PTPRD: variants seen among roughly 807,000 people sequenced by gnomAD.
The protein encoded by PTPRD is protein tyrosine phosphatase receptor type D.
Under a neutral mutation model 214.5 loss-of-function variants are expected in PTPRD, and 34 were observed. That is an observed-to-expected ratio of 0.16 (90% CI 0.12 to 0.21). PTPRD has a LOEUF of 0.21. PTPRD is among the 10% of genes least tolerant of loss of function. The pLI is 1.00. For synonymous variants in PTPRD, 1,128 were observed against 845.7 expected (o/e 1.33, Z -5.79); for missense variants, 2,545 against 2,398.7 (o/e 1.06, Z -1.27).
chr9:8,363,399 C>T (rs1030160531), intron 39 of PTPRD, among the ~76,000 whole-genome samples: 1 of 152,170 alleles, frequency 6.6e-6, no homozygotes, highest in African/African-American at 2.4e-5. Flanking sequence ...CAATTCACAA[C>T]TCTTCTATAC....
intron 9 of PTPRD, among the ~76,000 whole-genome samples, chr9:9,218,797 C>T (rs752567680): frequency 2.6e-5 from 4 of 152,030 alleles, no homozygotes; most frequent in East Asian, 1.9e-4. Context: ...CATGAATGCC[C>T]GGCCCTCACA....
intron 11 of PTPRD, among the ~76,000 whole-genome samples, chr9:8,776,208 A>G (rs2095466984): frequency 6.6e-6 from 1 of 152,180 alleles, no homozygotes; most frequent in African/African-American, 2.4e-5. Context: ...GTGAGATTGG[A>G]CCCTGCACAA....
chr9:9,717,371 T>C (rs973009480), intron 7 of PTPRD, among the ~76,000 whole-genome samples: 6 of 152,218 alleles, frequency 3.9e-5, no homozygotes, highest in Admixed American at 3.9e-4. Context: ...AAAGTAGTTT[T>C]TTCCAATTCT....
chr9:9,560,980 ACT>A (rs776121599), intron 8 of PTPRD, among the ~76,000 whole-genome samples: 16 of 150,816 alleles, frequency 1.1e-4, no homozygotes, highest in East Asian at 1.9e-4. Context: ...GGTAGCCTTC[ACT>A]CTCTCTCTTT....
intron 8 of PTPRD, among the ~76,000 whole-genome samples, chr9:9,423,397 C>G (rs2079580957): frequency 6.6e-6 from 1 of 152,194 alleles, no homozygotes; most frequent in Non-Finnish European, 1.5e-5. Context: ...CACCAGGAAA[C>G]TGAATCAGCC....
chr9:8,790,086 C>G (rs765291867), intron 11 of PTPRD, among the ~76,000 whole-genome samples: 4 of 152,092 alleles, frequency 2.6e-5, no homozygotes, highest in Non-Finnish European at 4.4e-5. Context: ...CTGCCATCAT[C>G]ACTCACGGCA....
Position 8,724,915 on chromosome 9 carries a change from A to T in PTPRD, c.64+8865T>A, listed in dbSNP as rs572375261. ...ATCGCGTCACTGCACTCCAGCCTGG[A>T]TAACAGAGTGAGACCCTGTGTCCAA... On this transcript the variant is annotated intron_variant, in intron 12 of 45. Transcript: ENST00000381196. 2.1e-3 allele frequency among the ~76,000 whole-genome samples: 317 copies of T among 152,270 alleles called. 2 individuals are homozygous for T. Among genetic ancestry groups the T allele is most frequent in the African/African-American group, 7.4e-3 (306 of 41,552 alleles).
chr9:10,603,121 G>T (rs545379870), intron 2 of PTPRD, among the ~76,000 whole-genome samples: 2 of 151,930 alleles, frequency 1.3e-5, no homozygotes, highest in South Asian at 4.1e-4. Flanking sequence ...GGAACTGAAT[G>T]AATTAATCTT....
At chr9:8,574,603 T>A (rs1009317621) in intron 14 of PTPRD, among the ~76,000 whole-genome samples, 1 of 152,040 alleles carries the variant, frequency 6.6e-6, no homozygotes, top group African/African-American at 2.4e-5. Flanking sequence ...GGCTAACCAC[T>A]AAGAAGAAAA....
rs2096703116 is a variant in PTPRD, at chr9:9,665,403, T to C, written c.-287+69130A>G. ...TAAAGGACAAAATAGATGTTTTTTATTTAATATCAAAACTTATAAATGCTC... is the reference window on the plus strand; with the variant it reads ...TAAAGGACAAAATAGATGTTTTTTACTTAATATCAAAACTTATAAATGCTC... On this transcript the variant is annotated intron_variant, in intron 7 of 45. Transcript: ENST00000381196. 2.0e-5 allele frequency among the ~76,000 whole-genome samples: 3 copies of C among 151,944 alleles called. No homozygotes were observed. The South Asian group carries it at 6.2e-4, about 31-fold the overall frequency.
At chr9:9,492,843 T>C (rs955739625) in intron 8 of PTPRD, among the ~76,000 whole-genome samples, 2 of 151,174 alleles carry the variant, frequency 1.3e-5, no homozygotes, top group South Asian at 2.1e-4. Context: ...ATTTTTGCAA[T>C]AATTTAAACT....
intron 5 of PTPRD, among the ~76,000 whole-genome samples, chr9:9,848,449 A>G (rs752646091): frequency 1.9e-4 from 29 of 152,162 alleles, no homozygotes; most frequent in Admixed American, 4.6e-4. Context: ...GGATAATGAC[A>G]TTTATCCATT....
At chr9:9,458,323 C>G (rs1348701192) in intron 8 of PTPRD, among the ~76,000 whole-genome samples, 1 of 151,788 alleles carries the variant, frequency 6.6e-6, no homozygotes, top group Non-Finnish European at 1.5e-5. Context: ...CTGTATCTGT[C>G]AAGAAGAAAT....
chr9:10,473,762 A>C (rs567934110), intron 2 of PTPRD, among the ~76,000 whole-genome samples: 1 of 152,240 alleles, frequency 6.6e-6, no homozygotes, highest in East Asian at 1.9e-4. Context: ...AGGGAGGATA[A>C]ATATTCTTGG....
At chr9:9,950,703 C>G (rs71497162) in intron 4 of PTPRD, among the ~76,000 whole-genome samples, 1 of 25,128 alleles carries the variant, frequency 4.0e-5, no homozygotes, top group Non-Finnish European at 4.9e-5. Flanking sequence ...CCAGCCTGGG[C>G]GACAGCGAGA....
chr9:9,814,226 G>C (rs909188813), intron 5 of PTPRD, among the ~76,000 whole-genome samples: 1 of 151,304 alleles, frequency 6.6e-6, no homozygotes, highest in Non-Finnish European at 1.5e-5. Context: ...TTTCTTTTAA[G>C]ATCGGGACCA....
intron 10 of PTPRD, among the ~76,000 whole-genome samples, chr9:9,072,366 A>G (rs1308364964): frequency 1.3e-5 from 2 of 151,478 alleles, no homozygotes; most frequent in Non-Finnish European, 2.9e-5. Context: ...TAAACAGAGC[A>G]TTGTCACAGA....
intron 5 of PTPRD, chr9:9,799,675 A>T (rs1200481691): frequency 6.6e-6 from 1 of 152,144 alleles, no homozygotes; most frequent in Non-Finnish European, 1.5e-5. Context: ...AAACAATAAA[A>T]AGGGGGGTAA....
At chr9:9,892,739 C>G (rs373545436) in intron 5 of PTPRD, among the ~76,000 whole-genome samples, 7 of 138,170 alleles carry the variant, frequency 5.1e-5, no homozygotes, top group Non-Finnish European at 1.1e-4. Flanking sequence ...ATTATAATAA[C>G]GAGGTAAAAA....
Sources: allele counts gnomAD v4.1 joint callset (sites outside exome capture counted in the v4.1 genomes callset), GRCh38; gene constraint gnomAD v4.1.1; transcripts MANE v1.5; gene names NCBI Gene and HGNC (gene_info 2026-07-23, HGNC 2026-07-21).